RAPGEF4: variants seen among roughly 807,000 people sequenced by gnomAD.
The protein encoded by RAPGEF4 is Rap guanine nucleotide exchange factor 4.
RAPGEF4 carries 66 observed loss-of-function variants against 147.9 expected under a neutral mutation model. The observed-to-expected ratio is 0.45, with a 90% CI of 0.37 to 0.55. The LOEUF (loss-of-function observed/expected upper bound fraction) is 0.55. Among genes scored for constraint, RAPGEF4 ranks in the 20% least tolerant of loss-of-function variants. The pLI is 0.00. For synonymous variants in RAPGEF4, 419 were observed against 442.7 expected, an observed-to-expected ratio of 0.95 and a Z score of 0.67; for missense variants, 1,071 against 1,257.3, an observed-to-expected ratio of 0.85 and a Z score of 2.24.
intron 1 of RAPGEF4, among the ~76,000 whole-genome samples, chr2:172,743,268 C>T (rs903028023): frequency 2.0e-5 from 3 of 152,086 alleles, no homozygotes; most frequent in Admixed American, 6.5e-5. Flanking sequence ...AGGGAGACAG[C>T]GAGAGATCCA....
chr2:172,953,932 C>T (rs1688473130), intron 6 of RAPGEF4, among the ~76,000 whole-genome samples: 1 of 152,184 alleles, frequency 6.6e-6, no homozygotes. Flanking sequence ...TGGCTACAGT[C>T]AGAGAACCTT....
intron 15 of RAPGEF4, among the ~76,000 whole-genome samples, chr2:172,996,258 G>A (rs1399039062): frequency 6.6e-6 from 1 of 152,084 alleles, no homozygotes; most frequent in Non-Finnish European, 1.5e-5. Context: ...AACAGTGTTT[G>A]TAGTAACGAC....
In RAPGEF4 at chr2:173,026,789, A is replaced by G; in HGVS notation, c.2379+92A>G. On this transcript the variant is annotated intron_variant, in intron 24 of 30. Coordinates refer to ENST00000397081, the MANE Select transcript of RAPGEF4 (RefSeq NM_007023.4). ...GTTTGTAAGTGCTAATATGTGCTAC[A>G]ATATGGAAACCACATGACCATTTTT... The G allele has an allele frequency of 2.7e-6, 4 of 1,498,022 alleles. No individual in the cohort carries two copies. In the South Asian group the frequency reaches 3.9e-5, roughly 15 times the overall value. 92.8% of individuals were successfully genotyped at this position (1,498,022 alleles called of 1,614,324 possible).
intron 29 of RAPGEF4, among the ~76,000 whole-genome samples, chr2:173,043,191 C>T (rs1358643237): frequency 6.6e-6 from 1 of 152,160 alleles, no homozygotes; most frequent in Non-Finnish European, 1.5e-5. Context: ...ACATGCTAAG[C>T]AAGGAGTAAT....
At chr2:173,029,501 C>T (rs1207956016) in intron 25 of RAPGEF4, among the ~76,000 whole-genome samples, 2 of 152,148 alleles carry the variant, frequency 1.3e-5, no homozygotes, top group Non-Finnish European at 2.9e-5. Flanking sequence ...CATTCCCAAA[C>T]ATATATTCAT....
At chr2:172,987,990 C>G (rs1692447080) in intron 12 of RAPGEF4, among the ~76,000 whole-genome samples, 1 of 152,144 alleles carries the variant, frequency 6.6e-6, no homozygotes, top group Non-Finnish European at 1.5e-5. Flanking sequence ...TAGGGCATAG[C>G]AAGGAATGCA....
In RAPGEF4 at chr2:172,917,766, A is replaced by G. The variant is rs76375024; in HGVS notation, c.445-36A>G. 8.0e-4 allele frequency: 1,235 copies of G among 1,544,446 alleles called. 13 individuals carry two copies. The highest frequency in any genetic ancestry group is 5.3e-3 in the East Asian group (234 of 44,542). ...ATAAATGAATGCTCAAAGCAAGTAA[A>G]TATCTGTGTGTTGAGTTTACAATCT... On this transcript the variant is annotated intron_variant, in intron 4 of 30. Coordinates refer to ENST00000397081, the MANE Select transcript of RAPGEF4 (RefSeq NM_007023.4).
At chr2:172,972,538 C>T (rs1286543519) in intron 10 of RAPGEF4, among the ~76,000 whole-genome samples, 1 of 152,166 alleles carries the variant, frequency 6.6e-6, no homozygotes, top group Admixed American at 6.5e-5. Flanking sequence ...TGACCTTCAC[C>T]TTGGTCTTTA....
chr2:172,793,856 C>T (rs1180674252), intron 1 of RAPGEF4, among the ~76,000 whole-genome samples: 1 of 152,100 alleles, frequency 6.6e-6, no homozygotes, highest in Non-Finnish European at 1.5e-5. Flanking sequence ...TATGAACAGA[C>T]TGGGCATGGT....
intron 26 of RAPGEF4, among the ~76,000 whole-genome samples, chr2:173,030,509 A>G (rs1379055303): frequency 1.3e-5 from 2 of 152,210 alleles, no homozygotes; most frequent in Non-Finnish European, 2.9e-5. Flanking sequence ...ATGTAAATAA[A>G]AATAAGTCCA....
intron 11 of RAPGEF4, among the ~76,000 whole-genome samples, chr2:172,985,173 C>T (rs1450744843): frequency 1.3e-5 from 2 of 152,106 alleles, no homozygotes; most frequent in African/African-American, 2.4e-5. Flanking sequence ...CAGGTGGGAC[C>T]ATGTTTGAAA....
intron 6 of RAPGEF4, among the ~76,000 whole-genome samples, chr2:172,952,676 C>T (rs1024697676): frequency 6.6e-6 from 1 of 152,180 alleles, no homozygotes; most frequent in Non-Finnish European, 1.5e-5. Context: ...ACCATTCTTA[C>T]TGGTAAGAAC....
intron 7 of RAPGEF4, 121 bp from the exon 8 acceptor site, chr2:172,961,001 G>A: frequency 1.1e-6 from 1 of 886,410 alleles, no homozygotes. Flanking sequence ...GTAAAGCACT[G>A]AGTGAGTTAT....
At chr2:172,885,924 C>T (rs1239286023) in intron 4 of RAPGEF4, among the ~76,000 whole-genome samples, 1 of 152,170 alleles carries the variant, frequency 6.6e-6, no homozygotes, top group Non-Finnish European at 1.5e-5. Flanking sequence ...TAATGCATCT[C>T]GGTGCCCTGA....
At chr2:172,971,603 A>G (rs1450325590) in intron 10 of RAPGEF4, among the ~76,000 whole-genome samples, 1 of 152,134 alleles carries the variant, frequency 6.6e-6, no homozygotes, top group Admixed American at 6.6e-5. Context: ...AGGTTTTTTG[A>G]AACTTTTTAA....
intron 1 of RAPGEF4, among the ~76,000 whole-genome samples, chr2:172,761,317 G>A (rs984878482): frequency 6.6e-6 from 1 of 151,824 alleles, no homozygotes; most frequent in African/African-American, 2.4e-5. Context: ...TACAGACAAG[G>A]TTTCTCCATG....
intron 19 of RAPGEF4, 100 bp from the exon 20 acceptor site, chr2:173,017,074 A>G (rs898676004): frequency 6.8e-6 from 8 of 1,175,054 alleles, no homozygotes; most frequent in Admixed American, 1.9e-5. Flanking sequence ...GGATTCTGTG[A>G]TTGTGATTTC....
At chr2:172,842,618 C>T (rs976993596) in intron 4 of RAPGEF4, among the ~76,000 whole-genome samples, 5 of 152,168 alleles carry the variant, frequency 3.3e-5, no homozygotes, top group Admixed American at 6.5e-5. Context: ...ACCAGAGCAC[C>T]TACATATGGC....
chr2:172,932,355 G>C (rs950863391), intron 6 of RAPGEF4, among the ~76,000 whole-genome samples: 27 of 152,278 alleles, frequency 1.8e-4, no homozygotes, highest in African/African-American at 6.3e-4. Context: ...AGTCCATACA[G>C]AACAATTGAG....
Sources: allele counts gnomAD v4.1 joint callset (sites outside exome capture counted in the v4.1 genomes callset), GRCh38; gene constraint gnomAD v4.1.1; transcripts MANE v1.5; gene names NCBI Gene and HGNC (gene_info 2026-07-23, HGNC 2026-07-21).